The following RSPO3 variants were observed in gnomAD, a reference collection of about 807,000 sequenced individuals.
RSPO3 encodes the protein R-spondin 3, also known as R-spondin-3.
Under a neutral mutation model 36.5 loss-of-function variants are expected in RSPO3, and 17 were observed. That is an observed-to-expected ratio of 0.47 (90% CI 0.32 to 0.70). The LOEUF (loss-of-function observed/expected upper bound fraction) is 0.70. RSPO3 is among the 30% of genes least tolerant of loss of function. The pLI, the probability that RSPO3 is intolerant of heterozygous loss-of-function variation, is 0.04. For synonymous variants in RSPO3, 108 were observed against 107.0 expected (o/e 1.01, Z -0.06); for missense variants, 294 against 322.5 (o/e 0.91, Z 0.68).
chr6:127,150,678 C>G (rs543108892), intron 3 of RSPO3, 106 bp downstream of exon 3: 14 of 1,004,774 alleles, frequency 1.4e-5, no homozygotes, highest in Non-Finnish European at 5.8e-6. Context: ...GGGCTGAGAT[C>G]TCTTAAAGGC....
rs990809931 is a variant in RSPO3 at position 127,197,675 on chromosome 6, C to T, written c.*1668C>T. 4.4e-6 allele frequency: 4 copies of T among 912,376 alleles called. No individual in the cohort carries two copies. Among genetic ancestry groups the T allele is most frequent in the African/African-American group, 1.7e-5 (1 of 60,118 alleles). The allele number at this position is 912,376 out of a possible 1,614,324, so 56.5% of individuals were successfully genotyped here. A position where few individuals can be genotyped will look rare whatever the true frequency, so the allele number is the denominator to read the frequency against. ...TGCTTATCTCTGGACACCCGTTCTC[C>T]ACCAGTTGTACAGTTCATGTAATCT... On this transcript the variant is annotated 3_prime_UTR_variant, in exon 5 of 5. Transcript: ENST00000356698.
Position 127,195,919 on chromosome 6 carries a change from T to C in RSPO3, c.731T>C (p.Ile244Thr). ...DSKSLESSKE[I>T]PEQRENKQQQ... Reference sequence around the variant, plus strand: ...AAAAGTCTGGAATCCAGCAAAGAAATCCCAGAGCAACGAGAAAACAAACAG... The same window carrying C: ...AAAAGTCTGGAATCCAGCAAAGAAACCCCAGAGCAACGAGAAAACAAACAG... Residue 244 changes from isoleucine to threonine, a missense_variant, in exon 5 of 5, where the codon ATC becomes ACC. Ile to Thr is a moderately conservative substitution (Grantham distance 89). Around this residue, in one of 3 missense-constraint regions of RSPO3, gnomAD observed 190 missense variants for 185.2 expected, o/e 1.03. Transcript: ENST00000356698. The C allele has an allele frequency of 6.2e-7, 1 of 1,612,952 alleles. No homozygotes were observed. Among genetic ancestry groups the C allele is most frequent in the Non-Finnish European group, 8.5e-7 (1 of 1,179,436 alleles).
At chr6:127,144,656 T>TTTTTTTTTTTTTTTTC (rs1554220622) in intron 1 of RSPO3, among the ~76,000 whole-genome samples, 1 of 147,792 alleles carries the variant, frequency 6.8e-6, no homozygotes, top group East Asian at 2.0e-4. Flanking sequence ...TTTTTTTTTT[T>TTTTTTTTTTTTTTTTC]CAGACAGAGT....
chr6:127,181,153 A>G (rs1382945627), intron 4 of RSPO3, among the ~76,000 whole-genome samples: 1 of 151,890 alleles, frequency 6.6e-6, no homozygotes, highest in East Asian at 1.9e-4. Flanking sequence ...TTCTAACTTC[A>G]AAGCCCAAGG....
intron 1 of RSPO3, 53 bp from the exon 2 acceptor site, chr6:127,148,595 T>C (rs1774431273): frequency 1.4e-6 from 2 of 1,460,760 alleles, no homozygotes; most frequent in South Asian, 2.8e-5. Flanking sequence ...AAAATGTCAT[T>C]TTTTTATCTG....
chr6:127,187,821 T>C (rs1775327064), intron 4 of RSPO3, among the ~76,000 whole-genome samples: 1 of 152,152 alleles, frequency 6.6e-6, no homozygotes, highest in African/African-American at 2.4e-5. Flanking sequence ...AAATATTTAA[T>C]ATAAATTATA....
At chr6:127,145,820 G>A (rs1774372102) in intron 1 of RSPO3, among the ~76,000 whole-genome samples, 1 of 152,142 alleles carries the variant, frequency 6.6e-6, no homozygotes, top group African/African-American at 2.4e-5. Context: ...TAAAAAGAAA[G>A]ACACATGAGA....
intron 4 of RSPO3, among the ~76,000 whole-genome samples, chr6:127,168,155 C>G (rs887226392): frequency 6.6e-6 from 1 of 152,086 alleles, no homozygotes; most frequent in Non-Finnish European, 1.5e-5. Flanking sequence ...ATTTCTAGTT[C>G]TAGATCCTTG....
intron 1 of RSPO3, among the ~76,000 whole-genome samples, chr6:127,145,086 C>T (rs573399983): frequency 2.3e-4 from 35 of 152,180 alleles, no homozygotes; most frequent in East Asian, 7.7e-4. Flanking sequence ...TCTTTTTAAA[C>T]GTCAGTATTC....
rs183407996 is a variant in RSPO3 at position 127,155,156 on chromosome 6, C to G, written c.437-85C>G. The G allele has an allele frequency of 2.6e-5, 35 of 1,359,552 alleles. No homozygotes were observed. In the East Asian group the frequency reaches 7.1e-4, roughly 28 times the overall value. The allele number at this position is 1,359,552 out of a possible 1,614,324, so 84.2% of individuals were successfully genotyped here. The stretch of plus-strand genomic sequence containing the variant: ...GATTCTTCTCAAATGTGGGCAAGTT[C>G]TGATGGAAGCAAATCTTTTTTTAAC... On this transcript the variant is annotated intron_variant, in intron 3 of 4. Transcript: ENST00000356698.
intron 4 of RSPO3, among the ~76,000 whole-genome samples, chr6:127,193,155 G>A (rs1775446562): frequency 6.6e-6 from 1 of 152,148 alleles, no homozygotes; most frequent in Non-Finnish European, 1.5e-5. Context: ...TACTTTACTA[G>A]AGCCTTCCCT....
At chr6:127,131,963 A>G (rs924556712) in intron 1 of RSPO3, among the ~76,000 whole-genome samples, 5 of 152,170 alleles carry the variant, frequency 3.3e-5, no homozygotes, top group Non-Finnish European at 7.4e-5. Flanking sequence ...GCAATAAACT[A>G]AAGTGGCTGT....
chr6:127,130,969 A>G (rs895166387), intron 1 of RSPO3, among the ~76,000 whole-genome samples: 1 of 152,034 alleles, frequency 6.6e-6, no homozygotes, highest in African/African-American at 2.4e-5. Flanking sequence ...TCAAGATGGT[A>G]ACTCTCAGTC....
intron 4 of RSPO3, among the ~76,000 whole-genome samples, chr6:127,193,173 A>G (rs1775446817): frequency 6.6e-6 from 1 of 152,180 alleles, no homozygotes; most frequent in Non-Finnish European, 1.5e-5. Flanking sequence ...CCTTTCACTC[A>G]CTGCCCAGAC....
chr6:127,125,041 G>A (rs1158397976), intron 1 of RSPO3, among the ~76,000 whole-genome samples: 2 of 152,052 alleles, frequency 1.3e-5, no homozygotes, highest in East Asian at 1.9e-4. Flanking sequence ...AAAAAACAGG[G>A]TTGCAGGTGC....
chr6:127,124,606 T>C (rs1284264378), intron 1 of RSPO3, among the ~76,000 whole-genome samples: 1 of 151,996 alleles, frequency 6.6e-6, no homozygotes, highest in Non-Finnish European at 1.5e-5. Context: ...CAAATGTAGA[T>C]TGCTTTCTTA....
chr6:127,158,611 AGG>A (rs1197287781), intron 4 of RSPO3, among the ~76,000 whole-genome samples: 1 of 152,184 alleles, frequency 6.6e-6, no homozygotes, highest in Admixed American at 6.5e-5. Flanking sequence ...AATAGTTTGT[AGG>A]AACAGAGTGG....
chr6:127,119,818 G>A (rs1773803418), intron 1 of RSPO3: 1 of 152,498 alleles, frequency 6.6e-6, no homozygotes, highest in Admixed American at 6.5e-5. Context: ...CAGGGAGCGA[G>A]CGCCTGCGCG....
chr6:127,155,132 A>G, intron 3 of RSPO3, 109 bp from the exon 4 acceptor site: 1 of 1,026,542 alleles, frequency 9.7e-7, no homozygotes, highest in Non-Finnish European at 1.5e-6. Context: ...GATCTGCAAG[A>G]TTCTTCTCAA....
Sources: allele counts gnomAD v4.1 joint callset (sites outside exome capture counted in the v4.1 genomes callset), GRCh38; gene constraint gnomAD v4.1.1; regional missense constraint gnomAD v4.1.1; transcripts MANE v1.5; gene names NCBI Gene and HGNC (gene_info 2026-07-23, HGNC 2026-07-21).